CEP128: variants seen among roughly 807,000 people sequenced by gnomAD.
CEP128 encodes the protein centrosomal protein 128kDa.
Under a neutral mutation model 156.7 loss-of-function variants are expected in CEP128, and 132 were observed. The observed-to-expected ratio is 0.84, with a 90% confidence interval of 0.73 to 0.97. The LOEUF is 0.97. Ranked by LOEUF, CEP128 falls within the 50% of genes least tolerant of loss-of-function variation. The probability of loss-of-function intolerance (pLI) is 0.00; values close to 1 mark genes in which losing one functional copy is unlikely to be tolerated. For missense variants in CEP128, 1,252 were observed against 1,281.9 expected (o/e 0.98, Z 0.36); for synonymous variants, 469 against 448.9 (o/e 1.04, Z -0.57).
intron 13 of CEP128, among the ~76,000 whole-genome samples, chr14:80,818,270 C>T (rs1014563491): frequency 3.3e-5 from 5 of 152,192 alleles, no homozygotes; most frequent in Non-Finnish European, 7.3e-5. Context: ...CCTCCCACCT[C>T]CACCTCCCAA....
chr14:80,827,492 A>G (rs1885541813), intron 13 of CEP128, among the ~76,000 whole-genome samples: 1 of 152,230 alleles, frequency 6.6e-6, no homozygotes, highest in South Asian at 2.1e-4. Context: ...ATATCAAAAG[A>G]AAAATTAAAC....
At chr14:80,540,457 C>T (rs148687737) in intron 21 of CEP128, among the ~76,000 whole-genome samples, 28 of 152,260 alleles carry the variant, frequency 1.8e-4, no homozygotes, top group African/African-American at 6.5e-4. Flanking sequence ...TGGCACTTTG[C>T]GGGAATGAAT....
At chr14:80,539,702 G>T (rs1215644194) in intron 21 of CEP128, among the ~76,000 whole-genome samples, 1 of 152,118 alleles carries the variant, frequency 6.6e-6, no homozygotes, top group East Asian at 1.9e-4. Flanking sequence ...TGCCTGCGGG[G>T]TCAGGCAAAA....
At chr14:80,954,284 A>G (rs1886546117) in intron 2 of CEP128, among the ~76,000 whole-genome samples, 1 of 152,066 alleles carries the variant, frequency 6.6e-6, no homozygotes, top group South Asian at 2.1e-4. Context: ...GAAAAAAAAA[A>G]AGAAAAGAAA....
chr14:80,665,758 T>C (rs891907830), intron 19 of CEP128, among the ~76,000 whole-genome samples: 7 of 151,898 alleles, frequency 4.6e-5, no homozygotes, highest in African/African-American at 1.7e-4. Context: ...AGTGGGAGAA[T>C]TGAATCAAGA....
intron 19 of CEP128, among the ~76,000 whole-genome samples, chr14:80,722,534 A>G (rs1566877157): frequency 6.6e-6 from 1 of 151,326 alleles, no homozygotes; most frequent in African/African-American, 2.4e-5. Flanking sequence ...AAGTATATAT[A>G]ATATATATAT....
chr14:80,632,622 GT>G (rs1894008877), intron 19 of CEP128, among the ~76,000 whole-genome samples: 1 of 150,996 alleles, frequency 6.6e-6, no homozygotes, highest in Admixed American at 6.6e-5. Context: ...CACTATAACA[GT>G]TTTTTAGTAT....
chr14:80,867,000 T>C (rs1887797248), intron 8 of CEP128, among the ~76,000 whole-genome samples: 2 of 152,210 alleles, frequency 1.3e-5, no homozygotes, highest in Non-Finnish European at 2.9e-5. Context: ...TTTGTTCATA[T>C]CACAGAAATT....
intron 16 of CEP128, among the ~76,000 whole-genome samples, chr14:80,763,881 G>T (rs80010277): frequency 6.6e-6 from 1 of 152,056 alleles, no homozygotes; most frequent in Non-Finnish European, 1.5e-5. Flanking sequence ...CTCCCCACAC[G>T]TACATAAGGC....
rs3069115 is a variant in CEP128, at chr14:80,617,219, C to CTTTTTTTTTTTTTTTTTTTTTTTTT, written c.2807-36821_2807-36797dup. ...ATCACTTAACCTATGTGAATATCATCTTTTTTTTTTTTTTTTTTTTTTTTT... is the reference window on the plus strand; with the variant it reads ...ATCACTTAACCTATGTGAATATCATCTTTTTTTTTTTTTTTTTTTTTTTTTTTTTTTTTTTTTTTTTTTTTTTTTT... On this transcript the variant is annotated intron_variant, in intron 19 of 24. Coordinates refer to ENST00000555265, the MANE Select transcript of CEP128 (RefSeq NM_152446.5). Among the ~76,000 whole-genome samples the CTTTTTTTTTTTTTTTTTTTTTTTTT allele has an allele frequency of 3.3e-5, 2 of 60,226 alleles. 1 individual carries two copies. Among genetic ancestry groups the CTTTTTTTTTTTTTTTTTTTTTTTTT allele is most frequent in the African/African-American group, 1.3e-4 (2 of 15,476 alleles). 39.5% of individuals were successfully genotyped at this position (60,226 alleles called of 152,430 possible). A position where few individuals can be genotyped will look rare whatever the true frequency, so the allele number is the denominator to read the frequency against.
intron 21 of CEP128, among the ~76,000 whole-genome samples, chr14:80,531,772 C>T (rs971870872): frequency 6.6e-6 from 1 of 152,176 alleles, no homozygotes; most frequent in African/African-American, 2.4e-5. Context: ...CATAAATTTG[C>T]ACAAAGTTGC....
At chr14:80,850,249 CAGTT>C (rs979430541) in intron 9 of CEP128, among the ~76,000 whole-genome samples, 4 of 152,072 alleles carry the variant, frequency 2.6e-5, no homozygotes, top group African/African-American at 9.7e-5. Context: ...TAATAACAGA[CAGTT>C]AATTAGATTT....
chr14:80,919,950 T>A (rs1201396131), intron 2 of CEP128, among the ~76,000 whole-genome samples: 1 of 152,196 alleles, frequency 6.6e-6, no homozygotes, highest in Non-Finnish European at 1.5e-5. Flanking sequence ...TAAGGTGAGA[T>A]ATATCTGAGA....
At chr14:80,842,940 TAAC>T (rs1394177199) in intron 9 of CEP128, among the ~76,000 whole-genome samples, 4 of 152,068 alleles carry the variant, frequency 2.6e-5, no homozygotes, top group African/African-American at 9.6e-5. Context: ...AAATCTTTAA[TAAC>T]AACAATTTTT....
intron 2 of CEP128, among the ~76,000 whole-genome samples, chr14:80,917,307 C>G (rs542868437): frequency 6.6e-6 from 1 of 151,954 alleles, no homozygotes; most frequent in African/African-American, 2.4e-5. Flanking sequence ...TTTCAGGAAA[C>G]CTTTTAATAG....
At chr14:80,531,284 G>C (rs764970928) in intron 21 of CEP128, among the ~76,000 whole-genome samples, 4 of 152,160 alleles carry the variant, frequency 2.6e-5, no homozygotes, top group Non-Finnish European at 4.4e-5. Context: ...TATCTATGGA[G>C]TATATTAGAG....
chr14:80,553,389 T>C (rs1405073813), intron 21 of CEP128, among the ~76,000 whole-genome samples: 1 of 152,188 alleles, frequency 6.6e-6, no homozygotes, highest in East Asian at 1.9e-4. Context: ...TTTAATACCA[T>C]CTATGGAAAA....
rs552918990 is a variant in CEP128 at position 80,559,530 on chromosome 14, T to A, written c.2857-228A>T. On this transcript the variant is annotated intron_variant, in intron 20 of 24. Coordinates refer to ENST00000555265, the MANE Select transcript of CEP128 (RefSeq NM_152446.5). The stretch of plus-strand genomic sequence containing the variant: ...GTGCTAGGACTACAGAGTTTAAGAG[T>A]AAATGCTACAATTCTAGTACAGTTA... Among the ~76,000 whole-genome samples the A allele has an allele frequency of 5.9e-5, 9 of 152,292 alleles. 1 individual carries two copies. The East Asian group carries it at 1.7e-3, about 29-fold the overall frequency.
intron 19 of CEP128, among the ~76,000 whole-genome samples, chr14:80,675,170 CAATAT>C (rs1383900027): frequency 5.9e-5 from 9 of 152,078 alleles, no homozygotes; most frequent in African/African-American, 1.2e-4. Flanking sequence ...CAAAAGTAGA[CAATAT>C]AATATAAGGC....
Sources: gnomAD v4.1 joint callset for allele counts (sites outside exome capture counted in the v4.1 genomes callset) on GRCh38, gnomAD v4.1.1 for gene constraint, MANE v1.5 for transcripts, NCBI Gene and HGNC (gene_info 2026-07-23, HGNC 2026-07-21) for gene names.